The following DPP6 variants were observed in gnomAD, a reference collection of about 807,000 sequenced individuals.
DPP6 encodes A-type potassium channel modulatory protein DPP6.
A neutral mutation model predicts 122.6 loss-of-function variants in DPP6; 69 were observed. That is an observed-to-expected ratio of 0.56 (90% CI 0.46 to 0.69). The LOEUF (loss-of-function observed/expected upper bound fraction) is 0.69, where lower values mean the gene tolerates loss of function less well. Among genes scored for constraint, DPP6 ranks in the 30% least tolerant of loss-of-function variants. The pLI, the probability that DPP6 is intolerant of heterozygous loss-of-function variation, is 0.00. For synonymous variants in DPP6, 418 were observed against 433.1 expected (o/e 0.97, Z 0.43); for missense variants, 928 against 1,116.9 (o/e 0.83, Z 2.41).
At chr7:153,968,620 A>C (rs1486655638) in intron 1 of DPP6, 1 of 151,674 alleles carries the variant, frequency 6.6e-6, no homozygotes, top group East Asian at 1.9e-4. Flanking sequence ...CCTGTCCCCT[A>C]GCTCCTGAAA....
intron 8 of DPP6, among the ~76,000 whole-genome samples, chr7:154,739,117 C>T (rs749919777): frequency 1.3e-5 from 2 of 152,126 alleles, no homozygotes; most frequent in Non-Finnish European, 2.9e-5. Context: ...AAATGCTTGG[C>T]CTGGGAATGA....
intron 1 of DPP6, among the ~76,000 whole-genome samples, chr7:154,233,324 C>A (rs1801019333): frequency 6.6e-6 from 1 of 152,192 alleles, no homozygotes; most frequent in Admixed American, 6.5e-5. Flanking sequence ...AGTGCAGTGA[C>A]ACAAAATATT....
intron 1 of DPP6, among the ~76,000 whole-genome samples, chr7:154,287,650 A>C (rs563657481): frequency 1.3e-5 from 2 of 152,324 alleles, no homozygotes; most frequent in African/African-American, 4.8e-5. Context: ...CACAGCGGCC[A>C]TCTGCTTGGC....
intron 12 of DPP6, among the ~76,000 whole-genome samples, chr7:154,798,646 T>C (rs1253879978): frequency 1.3e-5 from 2 of 152,154 alleles, no homozygotes; most frequent in Non-Finnish European, 2.9e-5. Context: ...TGACACTGGG[T>C]TGGGGCATCC....
chr7:153,802,959 T>C, the DPP6 span, among the ~76,000 whole-genome samples: 1 of 152,008 alleles, frequency 6.6e-6, no homozygotes, highest in Middle Eastern at 3.4e-3. Flanking sequence ...GACCCTCTGA[T>C]ATGCTCAGCC....
intron 7 of DPP6, among the ~76,000 whole-genome samples, chr7:154,695,953 G>A (rs1490076797): frequency 6.6e-6 from 1 of 152,188 alleles, no homozygotes; most frequent in African/African-American, 2.4e-5. Flanking sequence ...GCCCCTTCAT[G>A]GGTGACCCTG....
rs552281489 is a variant in DPP6 at position 154,282,553 on chromosome 7, G to C, written c.244-163661G>C. Among the ~76,000 whole-genome samples, 1 of 152,288 alleles carries C rather than the reference G, an allele frequency of 6.6e-6. No individual in the cohort carries two copies. Among genetic ancestry groups the C allele is most frequent in the East Asian group, 1.9e-4 (1 of 5,178 alleles). On this transcript the variant is annotated intron_variant, in intron 1 of 25. Transcript: ENST00000377770. This position sits in a 1 kb window ranked among gnomAD's most constrained non-coding sequence, Gnocchi z 4.8. ...GCACAGGTCTTCTGTTAGACTCAAT[G>C]GTGGGAAGGGGATGGGATGCAGCCC...
the DPP6 span, among the ~76,000 whole-genome samples, chr7:153,817,270 C>T: frequency 2.0e-5 from 3 of 147,944 alleles, no homozygotes; most frequent in South Asian, 7.0e-4. Context: ...AGGTGCATTT[C>T]ATTGTACAAA....
intron 1 of DPP6, among the ~76,000 whole-genome samples, chr7:153,900,812 G>T (rs79781668): frequency 2.0e-5 from 3 of 152,108 alleles, no homozygotes; most frequent in African/African-American, 7.2e-5. Context: ...AGCCTTATCC[G>T]TAGCACGCTT....
the DPP6 span, among the ~76,000 whole-genome samples, chr7:153,845,103 A>G: frequency 2.6e-5 from 4 of 152,192 alleles, no homozygotes; most frequent in Non-Finnish European, 4.4e-5. Flanking sequence ...AATGATCATC[A>G]ATGTAATAGA....
Position 154,058,106 on chromosome 7 carries a change from G to C in DPP6, c.243+5043G>C, listed in dbSNP as rs931106524. The C allele has an allele frequency of 4.7e-5, 6 of 128,884 alleles. 2 individuals carry two copies. The highest frequency in any genetic ancestry group is 8.4e-5 in the African/African-American group (3 of 35,640). 8.0% of individuals were successfully genotyped at this position (128,884 alleles called of 1,614,324 possible). A position where few individuals can be genotyped will look rare whatever the true frequency, so the allele number is the denominator to read the frequency against. ...GGAGGGAGGCATCCCCCATGAGGCG[G>C]GGACTCAGAGCCAACCCCTCTTCCC... On this transcript the variant is annotated intron_variant, in intron 1 of 25. Coordinates refer to ENST00000377770, the MANE Select transcript of DPP6 (RefSeq NM_130797.4).
Position 154,760,600 on chromosome 7 carries a change from T to C in DPP6, c.884-8817T>C, listed in dbSNP as rs912027511. On this transcript the variant is annotated intron_variant, in intron 8 of 25. Transcript: ENST00000377770. The surrounding 1 kb of genome is among the most constrained non-coding windows in gnomAD (Gnocchi z 4.5). ...GGATGCTTGCTTATTTCTTGTCTCT[T>C]GAGCAACTGAGTGGGTGGATGACCC... 1.3e-5 allele frequency among the ~76,000 whole-genome samples: 2 copies of C among 152,152 alleles called. No homozygotes were observed. Among genetic ancestry groups the C allele is most frequent in the Non-Finnish European group, 2.9e-5 (2 of 68,020 alleles).
chr7:154,655,317 G>A lies in DPP6; in HGVS notation c.681-14043G>A, dbSNP rs542180350. ...GCACTAATTTACTCTTCAAATTTCAGCATGATTTATGCCCTGTTTTGTTTA... is the reference window on the plus strand; with the variant it reads ...GCACTAATTTACTCTTCAAATTTCAACATGATTTATGCCCTGTTTTGTTTA... On this transcript the variant is annotated intron_variant, in intron 6 of 25. Transcript: ENST00000377770. Among the ~76,000 whole-genome samples the A allele has an allele frequency of 5.3e-5, 8 of 152,270 alleles. No homozygotes were observed. The South Asian group carries it at 8.3e-4, about 16-fold the overall frequency.
chr7:154,058,081 G>C (rs866939840), intron 1 of DPP6: 1 of 75,508 alleles, frequency 1.3e-5, no homozygotes, highest in Non-Finnish European at 3.0e-5. Flanking sequence ...CATTGCGGGT[G>C]GAGGGAGGCA....
chr7:154,351,308 C>A (rs11974062), intron 1 of DPP6, among the ~76,000 whole-genome samples: 9,349 of 152,184 alleles, frequency 0.061, 727 homozygotes, highest in African/African-American at 0.18. Flanking sequence ...GATCCCACAG[C>A]TTCACTGATC....
chr7:154,063,541 A>T (rs1802399503), intron 1 of DPP6, among the ~76,000 whole-genome samples: 1 of 124,684 alleles, frequency 8.0e-6, no homozygotes, highest in Admixed American at 8.5e-5. Flanking sequence ...ACCCCCCGCG[A>T]GGGTGGGGAC....
In DPP6 at chr7:154,470,341, A is replaced by T. The variant is rs10241787; in HGVS notation, c.359-4598A>T. 7.0e-3 allele frequency among the ~76,000 whole-genome samples: 1,068 copies of T among 152,318 alleles called. 19 individuals are homozygous for T. The highest frequency in any genetic ancestry group is 0.025 in the African/African-American group (1,020 of 41,562). ...TAAATATCATTGCACTCGGAAGACT[A>T]TAAAGCACTTTAGAGTTGTCAGTTA... On this transcript the variant is annotated intron_variant, in intron 2 of 25. Coordinates refer to ENST00000377770, the MANE Select transcript of DPP6 (RefSeq NM_130797.4).
At chr7:154,697,708 G>C in intron 7 of DPP6, among the ~76,000 whole-genome samples, 1 of 152,350 alleles carries the variant, frequency 6.6e-6, no homozygotes, top group South Asian at 2.1e-4. Flanking sequence ...GAAACAATAA[G>C]TGAGAAGGTG....
Position 154,833,177 on chromosome 7 carries a change from G to A in DPP6, c.1667-20603G>A, listed in dbSNP as rs370558755. 3.7e-4 allele frequency among the ~76,000 whole-genome samples: 52 copies of A among 141,722 alleles called. No homozygotes were observed. The highest frequency in any genetic ancestry group is 1.4e-3 in the African/African-American group (46 of 32,264). The allele number at this position is 141,722 out of a possible 152,430, so 93.0% of individuals were successfully genotyped here. A position where few individuals can be genotyped will look rare whatever the true frequency, so the allele number is the denominator to read the frequency against. ...ACGCCATGCAAGCAGCCTGGGCTCC[G>A]ATGCACACAGGAGCAGTGCAGAAGA... On this transcript the variant is annotated intron_variant, in intron 16 of 25. Transcript: ENST00000377770. The surrounding 1 kb of genome is among the most constrained non-coding windows in gnomAD (Gnocchi z 4.3).
Sources: allele counts gnomAD v4.1 joint callset (sites outside exome capture counted in the v4.1 genomes callset), GRCh38; gene constraint gnomAD v4.1.1; non-coding constraint Gnocchi (gnomAD v3.1); transcripts MANE v1.5; gene names NCBI Gene and HGNC (gene_info 2026-07-23, HGNC 2026-07-21).